UBE2E1: variants seen among roughly 807,000 people sequenced by gnomAD.
UBE2E1 encodes ubiquitin-conjugating enzyme E2 E1.
UBE2E1 carries 6 observed loss-of-function variants against 21.4 expected under a neutral mutation model. The observed-to-expected ratio is 0.28, with a 90% confidence interval of 0.15 to 0.55. The LOEUF (loss-of-function observed/expected upper bound fraction) is 0.55, where lower values mean the gene tolerates loss of function less well. Among genes scored for constraint, UBE2E1 ranks in the 20% least tolerant of loss-of-function variants. The pLI is 0.93. For missense variants in UBE2E1, 142 were observed against 236.5 expected (o/e 0.60, Z 2.62); for synonymous variants, 87 against 82.7 (o/e 1.05, Z -0.28).
chr3:23,879,391 G>A (rs561581108), intron 3 of UBE2E1: 1 of 531,384 alleles, frequency 1.9e-6, no homozygotes, highest in East Asian at 5.4e-5. Context: ...GCCTGTATAA[G>A]ACAGTTGTCT....
chr3:23,806,947 T>C lies in UBE2E1; in HGVS notation c.-33-290T>C. The C allele has an allele frequency of 5.3e-6, 1 of 189,212 alleles. No individual in the cohort carries two copies. Among genetic ancestry groups the C allele is most frequent in the Non-Finnish European group, 1.1e-5 (1 of 93,020 alleles). The allele number at this position is 189,212 out of a possible 1,614,324, so 11.7% of individuals were successfully genotyped here. A position where few individuals can be genotyped will look rare whatever the true frequency, so the allele number is the denominator to read the frequency against. ...GCCCCCCGCCCTGCCCTCCTTCGCC[T>C]CCCGGGCTACTCCCTCCCTGCCCAG... On this transcript the variant is annotated intron_variant, in intron 1 of 5. Coordinates refer to ENST00000306627, the MANE Select transcript of UBE2E1 (RefSeq NM_003341.5). This position sits in a 1 kb window ranked among gnomAD's most constrained non-coding sequence, Gnocchi z 6.5.
intron 3 of UBE2E1, among the ~76,000 whole-genome samples, chr3:23,857,467 C>T (rs748776875): frequency 3.3e-5 from 5 of 152,028 alleles, no homozygotes; most frequent in Non-Finnish European, 7.4e-5. Flanking sequence ...CTGAGAAGTC[C>T]TTATAAAGAA....
In UBE2E1 at chr3:23,810,527, A is replaced by C; in HGVS notation, c.153-933A>C. On this transcript the variant is annotated intron_variant, in intron 2 of 5. Transcript: ENST00000306627. The surrounding 1 kb of genome is among the most constrained non-coding windows in gnomAD (Gnocchi z 5.8). ...AGTTAGAGGACGCCCGGGGAAAAGC[A>C]GGTCCGGGGAGGTGGGCCGAGAGTC... 6.5e-7 allele frequency: 1 copy of C among 1,534,798 alleles called. No homozygotes were observed. The highest frequency in any genetic ancestry group is 8.7e-7 in the Non-Finnish European group (1 of 1,146,184).
chr3:23,880,925 A>AT (rs559120900), intron 3 of UBE2E1, among the ~76,000 whole-genome samples: 10 of 152,356 alleles, frequency 6.6e-5, no homozygotes, highest in East Asian at 5.8e-4. Flanking sequence ...TTAAGACTGT[A>AT]TATGTGTAAA....
At chr3:23,886,504 T>C (rs1201399942) in intron 3 of UBE2E1, among the ~76,000 whole-genome samples, 1 of 152,232 alleles carries the variant, frequency 6.6e-6, no homozygotes, top group Non-Finnish European at 1.5e-5. Context: ...CCCCAACTTG[T>C]ATTCTCCTCT....
chr3:23,874,909 C>G (rs747901425), intron 3 of UBE2E1, among the ~76,000 whole-genome samples: 1 of 152,150 alleles, frequency 6.6e-6, no homozygotes, highest in Non-Finnish European at 1.5e-5. Context: ...CACCTACCCC[C>G]ACGACTACCC....
intron 3 of UBE2E1, among the ~76,000 whole-genome samples, chr3:23,846,114 T>TA (rs1313802621): frequency 1.2e-4 from 18 of 152,210 alleles, no homozygotes; most frequent in Non-Finnish European, 2.2e-4. Context: ...GAAAAGTTCT[T>TA]ACATCAGTAA....
At chr3:23,878,656 C>A (rs1254991087) in intron 3 of UBE2E1, among the ~76,000 whole-genome samples, 2 of 152,200 alleles carry the variant, frequency 1.3e-5, no homozygotes, top group African/African-American at 2.4e-5. Context: ...CACACGCAAA[C>A]CCTATTGTGA....
chr3:23,889,015 A>C, intron 4 of UBE2E1, 97 bp from the exon 5 acceptor site: 1 of 1,276,122 alleles, frequency 7.8e-7, no homozygotes, highest in Non-Finnish European at 1.1e-6. Context: ...CTTTAATTAA[A>C]ACTGCTTTTA....
intron 3 of UBE2E1, among the ~76,000 whole-genome samples, chr3:23,868,287 T>C (rs530825093): frequency 7.9e-5 from 12 of 152,194 alleles, no homozygotes; most frequent in African/African-American, 2.4e-4. Flanking sequence ...AGGGTGACCA[T>C]AGTTACTTTT....
chr3:23,875,833 C>T (rs1040646675), intron 3 of UBE2E1, among the ~76,000 whole-genome samples: 10 of 152,208 alleles, frequency 6.6e-5, no homozygotes, highest in South Asian at 4.1e-4. Flanking sequence ...AGTGCAGTGG[C>T]GTGATCTCAT....
At chr3:23,856,685 G>T (rs1287723229) in intron 3 of UBE2E1, among the ~76,000 whole-genome samples, 1 of 152,144 alleles carries the variant, frequency 6.6e-6, no homozygotes, top group African/African-American at 2.4e-5. Flanking sequence ...AACTCCTGTT[G>T]ATTTGTTTCT....
intron 3 of UBE2E1, among the ~76,000 whole-genome samples, chr3:23,838,558 G>A (rs1206896272): frequency 6.6e-6 from 1 of 151,930 alleles, no homozygotes; most frequent in African/African-American, 2.4e-5. Context: ...GCAGTGGCCT[G>A]ATCTCAGCTC....
rs1172676241 is a variant in UBE2E1 at position 23,863,564 on chromosome 3, C to T, written c.204-24003C>T. ...TATTTTTTTGAGACGGAGTTTCGCT[C>T]TTGTTGCGCAGGCTGGAGTGCAGTG... is the stretch of plus-strand genomic sequence containing the variant. On this transcript the variant is annotated intron_variant, in intron 3 of 5. Coordinates refer to ENST00000306627, the MANE Select transcript of UBE2E1 (RefSeq NM_003341.5). The surrounding 1 kb of genome is among the most constrained non-coding windows in gnomAD (Gnocchi z 4.3). Among the ~76,000 whole-genome samples, 1 of 152,122 alleles carries T rather than the reference C, an allele frequency of 6.6e-6. No homozygotes were observed. Among genetic ancestry groups the T allele is most frequent in the Non-Finnish European group, 1.5e-5 (1 of 68,028 alleles).
intron 3 of UBE2E1, among the ~76,000 whole-genome samples, chr3:23,841,245 C>G (rs1650961560): frequency 6.6e-6 from 1 of 152,146 alleles, no homozygotes. Flanking sequence ...TCAATTTTAT[C>G]TGCTATAAAT....
rs543515561 is a variant in UBE2E1 at position 23,889,901 on chromosome 3, T to A, written c.485-608T>A. ...CAAAGCGAGACCCTGTCTCAAAAAA[T>A]ATATATATATACACATATGTATATA... On this transcript the variant is annotated intron_variant, in intron 5 of 5. Coordinates refer to ENST00000306627, the MANE Select transcript of UBE2E1 (RefSeq NM_003341.5). 4.5e-4 allele frequency: 79 copies of A among 175,308 alleles called. No individual in the cohort carries two copies. The East Asian group carries it at 0.01, about 22-fold the overall frequency. The allele number at this position is 175,308 out of a possible 1,614,324, so 10.9% of individuals were successfully genotyped here. A position where few individuals can be genotyped will look rare whatever the true frequency, so the allele number is the denominator to read the frequency against.
At position 23,853,096 on chromosome 3, in the gene UBE2E1, T is replaced by C. The variant is rs1700361346; in HGVS notation, c.204-34471T>C. 6.6e-6 allele frequency among the ~76,000 whole-genome samples: 1 copy of C among 152,084 alleles called. No individual in the cohort carries two copies. The highest frequency in any genetic ancestry group is 1.5e-5 in the Non-Finnish European group (1 of 68,006). On this transcript the variant is annotated intron_variant, in intron 3 of 5. Transcript: ENST00000306627. This position sits in a 1 kb window ranked among gnomAD's most constrained non-coding sequence, Gnocchi z 4.1. ...CACACCCAGCTAATTTTATTTTTTG[T>C]TGGTCAGGCTGGTCTCGAACTCCCA...
intron 3 of UBE2E1, among the ~76,000 whole-genome samples, chr3:23,821,684 G>C (rs940251854): frequency 1.3e-5 from 2 of 152,170 alleles, no homozygotes; most frequent in African/African-American, 4.8e-5. Context: ...CCAAGTTTCT[G>C]TGTTTTTTTG....
chr3:23,810,397 T>C lies in UBE2E1; in HGVS notation c.153-1063T>C. 1 of 1,528,290 alleles carries C rather than the reference T, an allele frequency of 6.5e-7. No individual in the cohort carries two copies. Among genetic ancestry groups the C allele is most frequent in the Non-Finnish European group, 8.8e-7 (1 of 1,141,038 alleles). 94.7% of individuals were successfully genotyped at this position (1,528,290 alleles called of 1,614,324 possible). Reference sequence around the variant, plus strand: ...GCCTATGAGTGGGGGATGGGGCCCTTTGTGAAGTCGAGGGTTGGTGCGGAG... The same window carrying C: ...GCCTATGAGTGGGGGATGGGGCCCTCTGTGAAGTCGAGGGTTGGTGCGGAG... On this transcript the variant is annotated intron_variant, in intron 2 of 5. Coordinates refer to ENST00000306627, the MANE Select transcript of UBE2E1 (RefSeq NM_003341.5). This position sits in a 1 kb window ranked among gnomAD's most constrained non-coding sequence, Gnocchi z 5.8.
Sources: gnomAD v4.1 joint callset for allele counts (sites outside exome capture counted in the v4.1 genomes callset) on GRCh38, gnomAD v4.1.1 for gene constraint, Gnocchi (gnomAD v3.1) non-coding constraint, MANE v1.5 for transcripts, NCBI Gene and HGNC (gene_info 2026-07-23, HGNC 2026-07-21) for gene names.